The following DHRSX variants were observed in gnomAD, a reference collection of about 807,000 sequenced individuals.
DHRSX encodes dehydrogenase/reductase X-linked.
A neutral mutation model predicts 34.0 loss-of-function variants in DHRSX; 31 were observed. That is an observed-to-expected ratio of 0.91 (90% CI 0.69 to 1.23). The LOEUF (loss-of-function observed/expected upper bound fraction) is 1.23. Among genes scored for constraint, DHRSX ranks in the 50% most tolerant of loss-of-function variants. DHRSX has a pLI of 0.00. For missense variants in DHRSX, 414 were observed against 428.1 expected (o/e 0.97, Z 0.29); for synonymous variants, 201 against 183.8 (o/e 1.09, Z -0.76).
chrX:2,304,143 GGATGGATGGATGGATGGATGGATGAACT>G (rs2042063894), intron 3 of DHRSX, among the ~76,000 whole-genome samples: 1 of 141,464 alleles, frequency 7.1e-6, no homozygotes, highest in Non-Finnish European at 1.5e-5. Context: ...ATGGATGAAT[GGATGGATGGATGGATGGATGGATGAACT>G]GATGGATGGA....
chrX:2,358,709 T>C (rs1463882416), intron 3 of DHRSX, among the ~76,000 whole-genome samples: 1 of 152,224 alleles, frequency 6.6e-6, no homozygotes, highest in African/African-American at 2.4e-5. Flanking sequence ...AGAAGTTAAC[T>C]AAATTGCACA....
intron 3 of DHRSX, among the ~76,000 whole-genome samples, chrX:2,376,995 CAA>C (rs368026648): frequency 1.3e-4 from 19 of 144,476 alleles, no homozygotes; most frequent in East Asian, 4.1e-4. Flanking sequence ...AACTCTATCT[CAA>C]AAAAAAAAAA....
chrX:2,339,813 G>A (rs113279333), intron 3 of DHRSX, among the ~76,000 whole-genome samples: 3 of 152,018 alleles, frequency 2.0e-5, no homozygotes, highest in Non-Finnish European at 4.4e-5. Context: ...TATGTGAATA[G>A]TGCCACAATA....
At chrX:2,389,737 G>A (rs971962655) in intron 3 of DHRSX, among the ~76,000 whole-genome samples, 7 of 152,012 alleles carry the variant, frequency 4.6e-5, no homozygotes, top group Admixed American at 2.6e-4. Flanking sequence ...TCAGAATCAC[G>A]TGGGTTGTTG....
intron 3 of DHRSX, among the ~76,000 whole-genome samples, chrX:2,368,954 AAAAGT>A (rs1489165215): frequency 6.6e-6 from 1 of 152,092 alleles, no homozygotes; most frequent in African/African-American, 2.4e-5. Flanking sequence ...ATAAATAAAT[AAAAGT>A]AAATAAGTAA....
At chrX:2,366,903 G>T (rs775562273) in intron 3 of DHRSX, among the ~76,000 whole-genome samples, 2 of 152,070 alleles carry the variant, frequency 1.3e-5, no homozygotes, top group Non-Finnish European at 2.9e-5. Context: ...GATCATTCGT[G>T]TGTACAATAT....
Position 2,248,420 on chromosome X carries a change from G to A in DHRSX, c.597-5190C>T, listed in dbSNP as rs189267665. Among the ~76,000 whole-genome samples the A allele has an allele frequency of 2.7e-3, 331 of 124,220 alleles. 1 individual carries two copies. The highest frequency in any genetic ancestry group is 8.4e-3 in the African/African-American group (307 of 36,504). 81.5% of individuals were successfully genotyped at this position (124,220 alleles called of 152,430 possible). On this transcript the variant is annotated intron_variant, in intron 5 of 6. Transcript: ENST00000334651. Reference sequence around the variant, plus strand: ...TGCATTCCAGCCTGGGCGACAGAGCGAGACTCTGTCTCAAAAAAAAAAAGA... The same window carrying A: ...TGCATTCCAGCCTGGGCGACAGAGCAAGACTCTGTCTCAAAAAAAAAAAGA...
chrX:2,249,465 T>C (rs904360583), intron 5 of DHRSX, among the ~76,000 whole-genome samples: 2 of 146,408 alleles, frequency 1.4e-5, no homozygotes, highest in African/African-American at 2.5e-5. Flanking sequence ...CCCAAAGTGC[T>C]GGAATGACAG....
chrX:2,264,043 A>G (rs1244539111), intron 5 of DHRSX, among the ~76,000 whole-genome samples: 4 of 152,168 alleles, frequency 2.6e-5, no homozygotes, highest in East Asian at 1.9e-4. Flanking sequence ...TTCCTTTTCT[A>G]TGTCTCACCT....
intron 5 of DHRSX, among the ~76,000 whole-genome samples, chrX:2,252,649 G>A (rs1357429030): frequency 1.3e-5 from 2 of 152,164 alleles, no homozygotes; most frequent in Non-Finnish European, 2.9e-5. Context: ...GTAGCGTGGA[G>A]AAGAGAGAAC....
At chrX:2,460,481 G>A in intron 1 of DHRSX, among the ~76,000 whole-genome samples, 1 of 152,002 alleles carries the variant, frequency 6.6e-6, no homozygotes, top group Non-Finnish European at 1.5e-5. Flanking sequence ...GCAGTGGCAT[G>A]ATCGTAGCTT....
intron 1 of DHRSX, among the ~76,000 whole-genome samples, chrX:2,432,981 G>T (rs753629213): frequency 6.6e-6 from 1 of 151,924 alleles, no homozygotes; most frequent in East Asian, 1.9e-4. Context: ...AAAATTAACC[G>T]GGTGTGGCGG....
chrX:2,323,668 CTG>C (rs1004441283), intron 3 of DHRSX, among the ~76,000 whole-genome samples: 2 of 152,102 alleles, frequency 1.3e-5, no homozygotes, highest in Admixed American at 6.6e-5. Flanking sequence ...ACTTTAGACA[CTG>C]TGGTGGGAAG....
intron 6 of DHRSX, among the ~76,000 whole-genome samples, chrX:2,234,567 T>C (rs1007905231): frequency 3.9e-5 from 6 of 152,254 alleles, no homozygotes; most frequent in Non-Finnish European, 2.9e-5. Context: ...TAAGTGTCTG[T>C]CAGCAGAGGA....
chrX:2,239,033 AT>A (rs1443224993), intron 6 of DHRSX, among the ~76,000 whole-genome samples: 1 of 152,170 alleles, frequency 6.6e-6, no homozygotes, highest in Non-Finnish European at 1.5e-5. Flanking sequence ...TTCTTACATT[AT>A]TTTAATTTCA....
rs778957532 is a variant in DHRSX, at chrX:2,243,788, G to GTTTTTT, written c.597-564_597-559dup. ...ACAGGCAGGAGCCACTATGCTCCCT[G>GTTTTTT]TTTTTTTTTTTTTTTTTTTTTTTTT... is the stretch of plus-strand genomic sequence containing the variant. On this transcript the variant is annotated intron_variant, in intron 5 of 6. Coordinates refer to ENST00000334651, the MANE Select transcript of DHRSX (RefSeq NM_145177.3). Among the ~76,000 whole-genome samples the GTTTTTT allele has an allele frequency of 1.1e-3, 27 of 25,172 alleles. 1 individual carries two copies. The highest frequency in any genetic ancestry group is 3.9e-3 in the East Asian group (2 of 518). The allele number at this position is 25,172 out of a possible 152,430, so 16.5% of individuals were successfully genotyped here. A position where few individuals can be genotyped will look rare whatever the true frequency, so the allele number is the denominator to read the frequency against.
chrX:2,246,954 G>T (rs1428311934), intron 5 of DHRSX, among the ~76,000 whole-genome samples: 1 of 152,010 alleles, frequency 6.6e-6, no homozygotes, highest in South Asian at 2.1e-4. Flanking sequence ...GTTGGTTTTT[G>T]TTGTTGTTGT....
chrX:2,288,275 G>A (rs2041828527), intron 4 of DHRSX, among the ~76,000 whole-genome samples: 1 of 152,124 alleles, frequency 6.6e-6, no homozygotes, highest in Non-Finnish European at 1.5e-5. Context: ...TGCTCTTGTT[G>A]CCCAGACTGG....
At chrX:2,474,807 A>G (rs113901954) in intron 1 of DHRSX, among the ~76,000 whole-genome samples, 30,754 of 149,866 alleles carry the variant, frequency 0.21, 4,176 homozygotes, top group African/African-American at 0.39. Context: ...GACTGCCACC[A>G]TATACACACT....
Sources: gnomAD v4.1 joint callset for allele counts (sites outside exome capture counted in the v4.1 genomes callset) on GRCh38, gnomAD v4.1.1 for gene constraint, MANE v1.5 for transcripts, NCBI Gene and HGNC (gene_info 2026-07-23, HGNC 2026-07-21) for gene names.